Variants in TMEM135 observed in about 807,000 individuals in gnomAD.
TMEM135 encodes the protein peroxisomal membrane protein 52.
A neutral mutation model predicts 60.3 loss-of-function variants in TMEM135; 30 were observed. That is an observed-to-expected ratio of 0.50 (90% CI 0.37 to 0.68). The LOEUF (loss-of-function observed/expected upper bound fraction) is 0.68, where lower values mean the gene tolerates loss of function less well. TMEM135 is among the 30% of genes least tolerant of loss of function. TMEM135 has a pLI of 0.00. For missense variants in TMEM135, 468 were observed against 548.8 expected (o/e 0.85, Z 1.47); for synonymous variants, 190 against 186.7 (o/e 1.02, Z -0.14).
At chr11:87,044,385 TA>T (rs1240878450) in intron 1 of TMEM135, among the ~76,000 whole-genome samples, 4 of 152,088 alleles carry the variant, frequency 2.6e-5, no homozygotes, top group Non-Finnish European at 4.4e-5. Flanking sequence ...TTTTTGGTAA[TA>T]GGCATTTGTT....
intron 4 of TMEM135, among the ~76,000 whole-genome samples, chr11:87,141,762 C>CT (rs1205015426): frequency 6.6e-6 from 1 of 151,580 alleles, no homozygotes; most frequent in African/African-American, 2.4e-5. Flanking sequence ...GACAGAAACT[C>CT]TATTAGTTAT....
At chr11:87,197,545 C>T (rs570419702) in intron 5 of TMEM135, among the ~76,000 whole-genome samples, 1 of 151,830 alleles carries the variant, frequency 6.6e-6, no homozygotes, top group Non-Finnish European at 1.5e-5. Context: ...TAAATTTCTT[C>T]TATTGATAGA....
At chr11:87,290,179 C>G (rs1330784807) in intron 6 of TMEM135, among the ~76,000 whole-genome samples, 2 of 152,090 alleles carry the variant, frequency 1.3e-5, no homozygotes, top group Admixed American at 6.5e-5. Flanking sequence ...AGTTTGTTCT[C>G]ATTCTTTTCA....
chr11:87,176,479 T>TA (rs1939370861), intron 5 of TMEM135, among the ~76,000 whole-genome samples: 1 of 152,180 alleles, frequency 6.6e-6, no homozygotes, highest in African/African-American at 2.4e-5. Context: ...ACAAATGGAC[T>TA]AAGATAGTGA....
At chr11:87,300,190 C>A (rs1468623699) in intron 7 of TMEM135, among the ~76,000 whole-genome samples, 1 of 152,110 alleles carries the variant, frequency 6.6e-6, no homozygotes, top group Non-Finnish European at 1.5e-5. Context: ...AGGCCATAAG[C>A]CCATGAAGTT....
chr11:87,093,106 T>C (rs1010289785), intron 4 of TMEM135, among the ~76,000 whole-genome samples: 9 of 152,218 alleles, frequency 5.9e-5, no homozygotes, highest in Admixed American at 5.2e-4. Context: ...TCTTCATATT[T>C]TCTTAATCAC....
intron 3 of TMEM135, among the ~76,000 whole-genome samples, chr11:87,081,668 CTT>C (rs1458492381): frequency 7.0e-6 from 1 of 142,690 alleles, no homozygotes; most frequent in African/African-American, 2.6e-5. Flanking sequence ...TTTATTTTCA[CTT>C]TTGATAGCTG....
At chr11:87,088,527 C>T (rs938112790) in intron 3 of TMEM135, among the ~76,000 whole-genome samples, 3 of 152,180 alleles carry the variant, frequency 2.0e-5, no homozygotes, top group African/African-American at 7.2e-5. Flanking sequence ...AAGAGAAAAA[C>T]TTCCGTGACT....
At chr11:87,226,529 A>C (rs1940767718) in intron 5 of TMEM135, among the ~76,000 whole-genome samples, 1 of 152,198 alleles carries the variant, frequency 6.6e-6, no homozygotes, top group African/African-American at 2.4e-5. Context: ...AACTTCCAGG[A>C]TATAGTTAAT....
intron 5 of TMEM135, among the ~76,000 whole-genome samples, chr11:87,207,910 C>T (rs1031061343): frequency 6.6e-6 from 1 of 152,196 alleles, no homozygotes. Flanking sequence ...GAGGACAAAA[C>T]TGTGAACCTG....
At chr11:87,270,030 G>T (rs11235064) in intron 6 of TMEM135, among the ~76,000 whole-genome samples, 4,985 of 90,226 alleles carry the variant, frequency 0.055, 217 homozygotes, top group Middle Eastern at 0.1. Context: ...TTTTAATGAT[G>T]GCCATTCTAA....
At chr11:87,070,065 G>C (rs117719356) in intron 2 of TMEM135, among the ~76,000 whole-genome samples, 3,079 of 152,052 alleles carry the variant, frequency 0.02, 35 homozygotes, top group Non-Finnish European at 0.028. Context: ...CAGCTAACTT[G>C]GGAGGCTGAG....
Position 87,327,599 on chromosome 11 carries a change from C to T in TMEM135, c.*6266C>T, listed in dbSNP as rs1174987382. ...TGAGAGGGGATTAAGGGAGTTGGCT[C>T]ATGTGATTGTGGAGGCTGAGAAACC... On this transcript the variant is annotated 3_prime_UTR_variant, in exon 15 of 15. Coordinates refer to ENST00000305494, the MANE Select transcript of TMEM135 (RefSeq NM_022918.4). The T allele has an allele frequency of 2.2e-6, 1 of 452,842 alleles. No homozygotes were observed. Among genetic ancestry groups the T allele is most frequent in the Non-Finnish European group, 4.4e-6 (1 of 226,176 alleles). The allele number at this position is 452,842 out of a possible 1,614,324, so 28.1% of individuals were successfully genotyped here.
intron 5 of TMEM135, among the ~76,000 whole-genome samples, chr11:87,162,651 T>C (rs1470003413): frequency 6.6e-6 from 1 of 152,200 alleles, no homozygotes; most frequent in Non-Finnish European, 1.5e-5. Flanking sequence ...TCCAAGTCTT[T>C]GCTATTGTGA....
At position 87,324,376 on chromosome 11, in the gene TMEM135, A is replaced by G. The variant is rs1942881830; in HGVS notation, c.*3043A>G. The G allele has an allele frequency of 2.2e-6, 1 of 453,966 alleles. No homozygotes were observed. The highest frequency in any genetic ancestry group is 4.4e-6 in the Non-Finnish European group (1 of 226,766). 28.1% of individuals were successfully genotyped at this position (453,966 alleles called of 1,614,324 possible). ...GCAATGGCCCAAATGTTGTTTTTGG[A>G]GCAGAGAAATTATTAGCCCAGAGAT... On this transcript the variant is annotated 3_prime_UTR_variant, in exon 15 of 15. Transcript: ENST00000305494.
chr11:87,198,531 A>T (rs1023098537), intron 5 of TMEM135, among the ~76,000 whole-genome samples: 9 of 45,664 alleles, frequency 2.0e-4, no homozygotes, highest in East Asian at 6.8e-4. Flanking sequence ...TTTCTCCCCC[A>T]CTCCTCCCTT....
chr11:87,314,604 G>A (rs1942694998), intron 12 of TMEM135, 57 bp downstream of exon 12: 1 of 1,401,750 alleles, frequency 7.1e-7, no homozygotes, highest in Non-Finnish European at 1.0e-6. Context: ...TTTAGCTGCT[G>A]ACTGTTTTAG....
At chr11:87,132,212 G>T (rs1371032905) in intron 4 of TMEM135, among the ~76,000 whole-genome samples, 2 of 152,100 alleles carry the variant, frequency 1.3e-5, no homozygotes, top group African/African-American at 4.8e-5. Flanking sequence ...ACCACCCACT[G>T]CTGGTTCATG....
rs1012786315 is a variant in TMEM135 at position 87,283,841 on chromosome 11, G to C, written c.510-11941G>C. 2.6e-5 allele frequency among the ~76,000 whole-genome samples: 4 copies of C among 152,316 alleles called. 1 individual carries two copies. Among genetic ancestry groups the C allele is most frequent in the Admixed American group, 2.6e-4 (4 of 15,296 alleles). On this transcript the variant is annotated intron_variant, in intron 6 of 14. Transcript: ENST00000305494. ...TCATTGCACTCCAGCCTGGGTGACA[G>C]AGCGAGACTCCATCTCAAAAAATAA...
Sources: gnomAD v4.1 joint callset for allele counts (sites outside exome capture counted in the v4.1 genomes callset) on GRCh38, gnomAD v4.1.1 for gene constraint, MANE v1.5 for transcripts, NCBI Gene and HGNC (gene_info 2026-07-23, HGNC 2026-07-21) for gene names.